The following RASSF3 variants were observed in gnomAD, a reference collection of about 807,000 sequenced individuals.
The protein encoded by RASSF3 is ras association domain-containing protein 3.
RASSF3 carries 19 observed loss-of-function variants against 19.9 expected under a neutral mutation model. That is an observed-to-expected ratio of 0.96 (90% CI 0.67 to 1.40). RASSF3 has a LOEUF of 1.40. Among genes scored for constraint, RASSF3 ranks in the 40% most tolerant of loss-of-function variants. The pLI, the probability that RASSF3 is intolerant of heterozygous loss-of-function variation, is 0.00. For synonymous variants in RASSF3, 110 were observed against 104.2 expected, an observed-to-expected ratio of 1.06 and a Z score of -0.34; for missense variants, 306 against 289.8, an observed-to-expected ratio of 1.06 and a Z score of -0.41.
chr12:64,566,842 G>A (rs183890724), intron 2 of RASSF3, among the ~76,000 whole-genome samples: 1 of 152,152 alleles, frequency 6.6e-6, no homozygotes, highest in Non-Finnish European at 1.5e-5. Flanking sequence ...GAGGGGTAGG[G>A]TTTCTAGATT....
chr12:64,627,554 C>G (rs1295950037), intron 1 of RASSF3, among the ~76,000 whole-genome samples: 2 of 152,196 alleles, frequency 1.3e-5, no homozygotes, highest in Non-Finnish European at 2.9e-5. Context: ...GTGCCTGGCA[C>G]AGAGGACAGA....
chr12:64,641,930 C>T (rs146017561), intron 1 of RASSF3, among the ~76,000 whole-genome samples: 2,611 of 151,838 alleles, frequency 0.017, 74 homozygotes, highest in African/African-American at 0.06. Context: ...TTAGTAGAGA[C>T]GGGGTTTCTC....
intron 1 of RASSF3, among the ~76,000 whole-genome samples, chr12:64,527,038 A>G (rs12302039): frequency 0.64 from 97,179 of 152,120 alleles, 31,751 homozygotes; most frequent in East Asian, 0.95. Flanking sequence ...TCATCTGTCC[A>G]TGGACAGCTA....
chr12:64,602,661 C>T (rs1012509943), intron 2 of RASSF3, among the ~76,000 whole-genome samples: 1 of 151,746 alleles, frequency 6.6e-6, no homozygotes, highest in African/African-American at 2.4e-5. Flanking sequence ...CCCAGCTATA[C>T]ACCACGCTGA....
intron 2 of RASSF3, among the ~76,000 whole-genome samples, chr12:64,593,154 C>T (rs1025946811): frequency 6.6e-6 from 1 of 152,126 alleles, no homozygotes; most frequent in African/African-American, 2.4e-5. Flanking sequence ...CCCACCATGA[C>T]CACAATCAAG....
chr12:64,552,362 G>A (rs1466385006), intron 2 of RASSF3, among the ~76,000 whole-genome samples: 1 of 151,816 alleles, frequency 6.6e-6, no homozygotes, highest in African/African-American at 2.4e-5. Flanking sequence ...TACATGTGCA[G>A]GATAAATTTA....
intron 1 of RASSF3, among the ~76,000 whole-genome samples, chr12:64,681,405 G>T (rs983678707): frequency 2.6e-5 from 4 of 152,194 alleles, no homozygotes; most frequent in Non-Finnish European, 5.9e-5. Context: ...GGTAGAGAAT[G>T]AGGGAACAGG....
chr12:64,633,916 T>C (rs909437957), intron 1 of RASSF3, among the ~76,000 whole-genome samples: 6 of 152,174 alleles, frequency 3.9e-5, no homozygotes, highest in African/African-American at 1.4e-4. Context: ...GGAGGATTGC[T>C]TGAGCTCAGG....
At chr12:64,613,415 T>A (rs1329746806) in intron 1 of RASSF3, among the ~76,000 whole-genome samples, 1 of 151,946 alleles carries the variant, frequency 6.6e-6, no homozygotes, top group African/African-American at 2.4e-5. Context: ...CTAGATTTCT[T>A]GAAAATATCC....
At chr12:64,522,379 C>A (rs936425627) in intron 1 of RASSF3, among the ~76,000 whole-genome samples, 2 of 152,094 alleles carry the variant, frequency 1.3e-5, no homozygotes, top group Admixed American at 1.3e-4. Context: ...CAGCAGGGAC[C>A]CCTTTTCACT....
At chr12:64,679,773 C>G (rs1201774856) in intron 1 of RASSF3, among the ~76,000 whole-genome samples, 4 of 152,184 alleles carry the variant, frequency 2.6e-5, no homozygotes, top group Non-Finnish European at 5.9e-5. Flanking sequence ...AACTCTTCCT[C>G]TGAGAAACTG....
chr12:64,576,581 G>A (rs1444588081), intron 2 of RASSF3, among the ~76,000 whole-genome samples: 1 of 152,134 alleles, frequency 6.6e-6, no homozygotes, highest in Non-Finnish European at 1.5e-5. Flanking sequence ...GTCAAATCTG[G>A]CCACCTGTTT....
At chr12:64,625,299 C>A (rs1459827845) in intron 1 of RASSF3, among the ~76,000 whole-genome samples, 1 of 152,102 alleles carries the variant, frequency 6.6e-6, no homozygotes, top group African/African-American at 2.4e-5. Context: ...TGCCTGCTGA[C>A]CACGCCTGGG....
At position 64,565,490 on chromosome 12, in the gene RASSF3, A is replaced by T. The variant is rs11829760; in HGVS notation, c.294+23785A>T. 6.6e-3 allele frequency among the ~76,000 whole-genome samples: 1,000 copies of T among 152,270 alleles called. 9 individuals carry two copies. The highest frequency in any genetic ancestry group is 0.023 in the African/African-American group (944 of 41,562). ...CACTTTGGGAGACCGAGGGAGGTGG[A>T]TCACCTGAGGTCAGGAGTTTGAGAC... On this transcript the variant is annotated intron_variant, in intron 2 of 5. Transcript: ENST00000637125.
chr12:64,546,822 A>G (rs1009482867), intron 2 of RASSF3, among the ~76,000 whole-genome samples: 1 of 152,240 alleles, frequency 6.6e-6, no homozygotes, highest in African/African-American at 2.4e-5. Context: ...GGCTTCAAGC[A>G]CTGATAGAGC....
Position 64,551,898 on chromosome 12 carries a change from C to A in RASSF3, c.294+10193C>A, listed in dbSNP as rs562171665. ...GTTTTCCAAAATATTTTCAGTTTTT[C>A]TGTGAGACTGAGAGATATTATCTTC... On this transcript the variant is annotated intron_variant, in intron 2 of 5. Coordinates refer to the RASSF3 transcript ENST00000637125. Among the ~76,000 whole-genome samples, 5 of 152,268 alleles carry A rather than the reference C, an allele frequency of 3.3e-5. No individual in the cohort carries two copies. The South Asian group carries it at 1.0e-3, about 32-fold the overall frequency.
intron 1 of RASSF3, among the ~76,000 whole-genome samples, chr12:64,538,861 G>A (rs542250342): frequency 2.6e-5 from 4 of 152,006 alleles, no homozygotes; most frequent in Admixed American, 6.6e-5. Flanking sequence ...CTGGGCCAAC[G>A]GTGAAACTCC....
chr12:64,591,408 G>A (rs560956509), intron 2 of RASSF3, among the ~76,000 whole-genome samples: 242 of 151,894 alleles, frequency 1.6e-3, no homozygotes, highest in Non-Finnish European at 3.0e-3. Context: ...CCTGGGAGGC[G>A]GAGGTTGCAG....
intron 1 of RASSF3, among the ~76,000 whole-genome samples, chr12:64,644,956 C>T (rs1871679269): frequency 6.6e-6 from 1 of 151,596 alleles, no homozygotes; most frequent in South Asian, 2.1e-4. Flanking sequence ...TGCCAGTAGT[C>T]CCAGCTACTG....
Sources: allele counts gnomAD v4.1 joint callset (sites outside exome capture counted in the v4.1 genomes callset), GRCh38; gene constraint gnomAD v4.1.1; transcripts MANE v1.5; gene names NCBI Gene and HGNC (gene_info 2026-07-23, HGNC 2026-07-21).